Variants in PRKCE observed in about 807,000 individuals in gnomAD.
PRKCE encodes the protein protein kinase C epsilon type.
PRKCE carries 16 observed loss-of-function variants against 85.4 expected under a neutral mutation model. The ratio of observed to expected loss-of-function variants is 0.19; its 90% CI spans 0.13 to 0.28. PRKCE has a LOEUF of 0.28. PRKCE is among the 10% of genes least tolerant of loss of function. The probability of loss-of-function intolerance (pLI) is 1.00; values close to 1 mark genes in which losing one functional copy is unlikely to be tolerated. For missense variants in PRKCE, 573 were observed against 975.2 expected (o/e 0.59, Z 5.49); for synonymous variants, 388 against 371.5 (o/e 1.04, Z -0.51).
chr2:46,092,663 G>A (rs1328481073), intron 11 of PRKCE, among the ~76,000 whole-genome samples: 1 of 152,190 alleles, frequency 6.6e-6, no homozygotes, highest in African/African-American at 2.4e-5. Context: ...CCAAAGGAGA[G>A]GCTTAGGAGG....
rs573299620 is a variant in PRKCE at position 45,705,211 on chromosome 2, G to A, written c.348+52763G>A. ...ACATGTGCCCAGTTCTGTGGAGCTC[G>A]GTTCCGAGCAGCGCTAGGGGCCTGA... On this transcript the variant is annotated intron_variant, in intron 1 of 14. Transcript: ENST00000306156. Among the ~76,000 whole-genome samples, 90 of 152,184 alleles carry A rather than the reference G, an allele frequency of 5.9e-4. 1 individual carries two copies. The highest frequency in any genetic ancestry group is 1.7e-3 in the African/African-American group (71 of 41,518).
At chr2:46,116,349 A>G (rs1453985615) in intron 11 of PRKCE, among the ~76,000 whole-genome samples, 1 of 152,228 alleles carries the variant, frequency 6.6e-6, no homozygotes, top group Non-Finnish European at 1.5e-5. Flanking sequence ...TTGACACTGC[A>G]ATATACAGGA....
chr2:46,083,669 G>A (rs1377400805), intron 10 of PRKCE, among the ~76,000 whole-genome samples: 1 of 152,168 alleles, frequency 6.6e-6, no homozygotes, highest in Admixed American at 6.5e-5. Flanking sequence ...TGGCCTGCCA[G>A]CATTGCCCGG....
At chr2:45,746,342 G>A (rs1409252574) in intron 1 of PRKCE, among the ~76,000 whole-genome samples, 5 of 152,156 alleles carry the variant, frequency 3.3e-5, no homozygotes, top group Non-Finnish European at 7.3e-5. Flanking sequence ...ACCAAACTCG[G>A]TTTTCCTTCC....
chr2:46,000,111 T>C (rs1327171523), intron 6 of PRKCE, among the ~76,000 whole-genome samples: 3 of 152,182 alleles, frequency 2.0e-5, no homozygotes, highest in Non-Finnish European at 2.9e-5. Context: ...GTTCTGATGT[T>C]TGCCTTGTCA....
intron 14 of PRKCE, among the ~76,000 whole-genome samples, chr2:46,174,883 G>T (rs1408200040): frequency 6.6e-6 from 1 of 151,754 alleles, no homozygotes; most frequent in African/African-American, 2.4e-5. Context: ...TAAAGGCAGG[G>T]TCTCACTATG....
chr2:45,920,504 A>G (rs186923481), intron 2 of PRKCE, among the ~76,000 whole-genome samples: 5 of 152,376 alleles, frequency 3.3e-5, no homozygotes, highest in Non-Finnish European at 5.9e-5. Flanking sequence ...GAAGCAACCC[A>G]AATGCCGTCA....
intron 2 of PRKCE, among the ~76,000 whole-genome samples, chr2:45,937,934 C>T (rs983078202): frequency 6.6e-6 from 1 of 152,148 alleles, no homozygotes; most frequent in African/African-American, 2.4e-5. Flanking sequence ...GAGCAGACTG[C>T]AGGTCTTGCT....
intron 10 of PRKCE, among the ~76,000 whole-genome samples, chr2:46,046,505 T>C (rs1301402599): frequency 6.6e-6 from 1 of 152,238 alleles, no homozygotes; most frequent in East Asian, 1.9e-4. Context: ...TGCTTCTGCA[T>C]GTTCAAGTTT....
At chr2:45,796,833 C>T (rs1301066090) in intron 1 of PRKCE, among the ~76,000 whole-genome samples, 1 of 152,150 alleles carries the variant, frequency 6.6e-6, no homozygotes, top group Non-Finnish European at 1.5e-5. Context: ...ACCCAGACTG[C>T]TCATGAACTC....
At chr2:46,082,264 A>T (rs1669154488) in intron 10 of PRKCE, among the ~76,000 whole-genome samples, 1 of 152,166 alleles carries the variant, frequency 6.6e-6, no homozygotes, top group Non-Finnish European at 1.5e-5. Flanking sequence ...CTTGGGCCAT[A>T]ATGGTGGGCA....
chr2:45,886,477 A>G (rs1176948363), intron 2 of PRKCE, among the ~76,000 whole-genome samples: 1 of 152,212 alleles, frequency 6.6e-6, no homozygotes, highest in Non-Finnish European at 1.5e-5. Context: ...GCTGACTTCT[A>G]TTGCATTAAA....
chr2:45,868,033 C>T (rs11889501), intron 2 of PRKCE, among the ~76,000 whole-genome samples: 5,110 of 152,104 alleles, frequency 0.034, 301 homozygotes, highest in African/African-American at 0.11. Flanking sequence ...TTTTCTATGG[C>T]CCCACATGGT....
intron 1 of PRKCE, among the ~76,000 whole-genome samples, chr2:45,750,920 T>C (rs902695998): frequency 6.6e-6 from 1 of 152,170 alleles, no homozygotes; most frequent in Non-Finnish European, 1.5e-5. Context: ...CAGAATATTA[T>C]CACCAGAGTG....
At chr2:45,967,947 A>G (rs1701841743) in intron 2 of PRKCE, among the ~76,000 whole-genome samples, 1 of 152,162 alleles carries the variant, frequency 6.6e-6, no homozygotes. Context: ...GAGCTCAGAG[A>G]AAAGAAAGAA....
intron 11 of PRKCE, among the ~76,000 whole-genome samples, chr2:46,140,605 A>ACTT (rs893028432): frequency 6.6e-6 from 1 of 152,224 alleles, no homozygotes; most frequent in African/African-American, 2.4e-5. Flanking sequence ...TACTTTTATA[A>ACTT]CTTTGAAATG....
Position 46,155,211 on chromosome 2 carries a change from C to T in PRKCE, c.1920+3982C>T, listed in dbSNP as rs1229247291. On this transcript the variant is annotated intron_variant, in intron 13 of 14. Coordinates refer to ENST00000306156, the MANE Select transcript of PRKCE (RefSeq NM_005400.3). The surrounding 1 kb of genome is among the most constrained non-coding windows in gnomAD (Gnocchi z 4.7). ...AATCCAGATTTTTATGTAAAAATCT[C>T]GAAACATTAAATGATTATAACTAGT... Among the ~76,000 whole-genome samples the T allele has an allele frequency of 2.6e-5, 4 of 152,018 alleles. No homozygotes were observed. The highest frequency in any genetic ancestry group is 6.6e-5 in the Admixed American group (1 of 15,262).
intron 1 of PRKCE, among the ~76,000 whole-genome samples, chr2:45,674,190 G>A (rs1165114016): frequency 6.6e-6 from 1 of 152,178 alleles, no homozygotes; most frequent in African/African-American, 2.4e-5. Context: ...TTTTGTGCAC[G>A]CTCCTTCCAC....
chr2:45,957,034 C>CA (rs56948907), intron 2 of PRKCE, among the ~76,000 whole-genome samples: 35,592 of 152,072 alleles, frequency 0.23, 4,243 homozygotes, highest in South Asian at 0.32. Context: ...ACATATTCTA[C>CA]ATGTGTTTTA....
Sources: allele counts gnomAD v4.1 joint callset (sites outside exome capture counted in the v4.1 genomes callset), GRCh38; gene constraint gnomAD v4.1.1; non-coding constraint Gnocchi (gnomAD v3.1); transcripts MANE v1.5; gene names NCBI Gene and HGNC (gene_info 2026-07-23, HGNC 2026-07-21).